Variants in AVEN observed in about 807,000 individuals in gnomAD.
The protein encoded by AVEN is cell death regulator Aven.
In AVEN, 41 loss-of-function variants were observed where a neutral mutation model predicts 38.1. That is an observed-to-expected ratio of 1.08 (90% confidence interval 0.84 to 1.40). The LOEUF is 1.40. Ranked by LOEUF, AVEN falls within the 40% of genes most tolerant of loss-of-function variation. The pLI, the probability that AVEN is intolerant of heterozygous loss-of-function variation, is 0.00. For missense variants in AVEN, 605 were observed against 438.8 expected, an observed-to-expected ratio of 1.38 and a Z score of -3.38; for synonymous variants, 206 against 171.8, an observed-to-expected ratio of 1.20 and a Z score of -1.56.
intron 3 of AVEN, among the ~76,000 whole-genome samples, chr15:33,872,138 A>C (rs189802290): frequency 2.6e-5 from 4 of 152,200 alleles, no homozygotes; most frequent in African/African-American, 7.2e-5. Context: ...TGTAAAGAGA[A>C]AGGAGACACT....
chr15:33,876,627 T>C (rs1891243989), intron 2 of AVEN, among the ~76,000 whole-genome samples: 2 of 152,310 alleles, frequency 1.3e-5, no homozygotes, highest in East Asian at 3.9e-4. Flanking sequence ...TAAGACCTTG[T>C]ATTTGTGGAT....
upstream of AVEN, among the ~76,000 whole-genome samples, chr15:34,043,900 GTT>G (rs1899582674): frequency 3.3e-5 from 5 of 151,994 alleles, no homozygotes; most frequent in South Asian, 1.0e-3. Context: ...CTTCCTTCCT[GTT>G]AGTATAGAGG....
intron 4 of AVEN, among the ~76,000 whole-genome samples, chr15:33,869,757 C>A (rs1890854913): frequency 6.6e-6 from 1 of 152,090 alleles, no homozygotes; most frequent in Admixed American, 6.5e-5. Context: ...TCACATTCAC[C>A]CACAGAAGGA....
At position 33,877,483 on chromosome 15, in the gene AVEN, A is replaced by C. The variant is rs541891755; in HGVS notation, c.446-1488T>G. 3.9e-5 allele frequency among the ~76,000 whole-genome samples: 6 copies of C among 152,364 alleles called. No homozygotes were observed. In the South Asian group the frequency reaches 1.2e-3, roughly 32 times the overall value. ...CCAGTTATAAAACTTATCTTAAAAA[A>C]TAAATGGCTCTCTAATACACAAACA... On this transcript the variant is annotated intron_variant, in intron 2 of 5. Transcript: ENST00000306730.
intron 2 of AVEN, among the ~76,000 whole-genome samples, chr15:33,887,699 A>C (rs997733458): frequency 5.9e-5 from 9 of 152,188 alleles, no homozygotes; most frequent in African/African-American, 2.2e-4. Flanking sequence ...CTTAAAGGAA[A>C]TCTGAATTCT....
intron 11 of AVEN, chr15:33,859,743 A>C: frequency 6.3e-7 from 1 of 1,599,944 alleles, no homozygotes; most frequent in South Asian, 1.1e-5. Flanking sequence ...TATGATTGCC[A>C]ATTGTGTTGA....
At chr15:34,022,806 AG>A (rs1257479070) in intron 1 of AVEN, among the ~76,000 whole-genome samples, 1 of 152,242 alleles carries the variant, frequency 6.6e-6, no homozygotes, top group Non-Finnish European at 1.5e-5. Context: ...TCTGGCTGGA[AG>A]GATGAGATTT....
At chr15:34,040,233 G>A (rs1001866633), upstream of AVEN, among the ~76,000 whole-genome samples, 5 of 152,114 alleles carry the variant, frequency 3.3e-5, no homozygotes, top group Admixed American at 6.5e-5. Context: ...TAATCTAGTC[G>A]TGTGAATAGA....
intron 2 of AVEN, among the ~76,000 whole-genome samples, chr15:33,882,125 G>A (rs1891510874): frequency 6.6e-6 from 1 of 152,080 alleles, no homozygotes; most frequent in Non-Finnish European, 1.5e-5. Context: ...GCCTTGTTGT[G>A]TACTTATATA....
chr15:34,001,987 A>G (rs1431568889), intron 2 of AVEN, among the ~76,000 whole-genome samples: 1 of 152,178 alleles, frequency 6.6e-6, no homozygotes, highest in Non-Finnish European at 1.5e-5. Context: ...TAACCTGGCA[A>G]TAATTATTTA....
chr15:33,858,453 CACCTCTGCCT>C (rs1490190712), downstream of AVEN: 3 of 144,952 alleles, frequency 2.1e-5, no homozygotes, highest in African/African-American at 7.4e-5. Context: ...GTGATCTGCC[CACCTCTGCCT>C]CCCAAAGTGC....
intron 2 of AVEN, among the ~76,000 whole-genome samples, chr15:33,993,840 GTT>G (rs11340199): frequency 1.2e-4 from 19 of 152,074 alleles, no homozygotes; most frequent in African/African-American, 3.9e-4. Flanking sequence ...AAAAAATAGG[GTT>G]TTTTTTTCCT....
intron 1 of AVEN, chr15:34,006,950 C>A (rs769292318): frequency 1.9e-6 from 1 of 526,204 alleles, no homozygotes; most frequent in Non-Finnish European, 2.4e-6. Flanking sequence ...AAATACTGAT[C>A]AGAAAACAAG....
At chr15:33,879,780 G>C (rs1402997282) in intron 2 of AVEN, among the ~76,000 whole-genome samples, 1 of 152,140 alleles carries the variant, frequency 6.6e-6, no homozygotes, top group Non-Finnish European at 1.5e-5. Flanking sequence ...ACATTGAAAT[G>C]TGGTTTGACA....
chr15:33,950,150 G>T lies in AVEN; in HGVS notation c.445+52882C>A, dbSNP rs996762148. ...TATTGTATGATCTCACTTATATGTGGACTAAGAGTCAAATCCACAGAAGCA... is the reference window on the plus strand; with the variant it reads ...TATTGTATGATCTCACTTATATGTGTACTAAGAGTCAAATCCACAGAAGCA... On this transcript the variant is annotated intron_variant, in intron 2 of 5. Transcript: ENST00000306730. 2.0e-5 allele frequency among the ~76,000 whole-genome samples: 3 copies of T among 152,174 alleles called. No homozygotes were observed. In the East Asian group the frequency reaches 5.8e-4, roughly 29 times the overall value.
intron 2 of AVEN, among the ~76,000 whole-genome samples, chr15:33,915,606 G>A (rs980481346): frequency 2.6e-5 from 4 of 152,204 alleles, no homozygotes; most frequent in Admixed American, 2.0e-4. Flanking sequence ...AGACCACAAG[G>A]AGAAGGGAAC....
chr15:34,013,896 T>C (rs1897747392), intron 1 of AVEN, among the ~76,000 whole-genome samples: 1 of 152,124 alleles, frequency 6.6e-6, no homozygotes, highest in Admixed American at 6.5e-5. Flanking sequence ...GAGATGAGCC[T>C]ACTGAAGGAA....
At chr15:33,865,915 C>CAGCTGTCAGTCAACT (rs1890369657), downstream of AVEN, 1 of 152,652 alleles carries the variant, frequency 6.6e-6, no homozygotes, top group Non-Finnish European at 1.5e-5. Flanking sequence ...TTTTTAGTAA[C>CAGCTGTCAGTCAACT]AGCTGTCAGT....
chr15:33,974,363 G>C (rs1371677972), intron 2 of AVEN, among the ~76,000 whole-genome samples: 1 of 152,096 alleles, frequency 6.6e-6, no homozygotes, highest in African/African-American at 2.4e-5. Context: ...TCTCTGTGAG[G>C]AATGAATCTT....
Sources: allele counts gnomAD v4.1 joint callset (sites outside exome capture counted in the v4.1 genomes callset), GRCh38; gene constraint gnomAD v4.1.1; transcripts MANE v1.5; gene names NCBI Gene and HGNC (gene_info 2026-07-23, HGNC 2026-07-21).